The following SYNE1 variants were observed in gnomAD, a reference collection of about 807,000 sequenced individuals.
SYNE1 encodes the protein nesprin-1.
Under a neutral mutation model 1,111.0 loss-of-function variants are expected in SYNE1, and 616 were observed. The observed-to-expected ratio is 0.55, with a 90% CI of 0.52 to 0.59. SYNE1 has a LOEUF of 0.59. Among genes scored for constraint, SYNE1 ranks in the 20% least tolerant of loss-of-function variants. The pLI is 0.00. For missense variants in SYNE1, 10,006 were observed against 10,417.0 expected (o/e 0.96, Z 1.72); for synonymous variants, 3,855 against 3,825.8 (o/e 1.01, Z -0.28).
At chr6:152,434,070 ATTCACGCT>A in intron 33 of SYNE1, 125 bp from the exon 34 acceptor site, 2 of 913,398 alleles carry the variant, frequency 2.2e-6, no homozygotes, top group African/African-American at 1.7e-5. Flanking sequence ...AGTTGAAACT[ATTCACGCT>A]AAAAAAAAAA....
Position 152,439,371 on chromosome 6 carries a change from T to C in SYNE1, c.4149+1759A>G, listed in dbSNP as rs12200041. Among the ~76,000 whole-genome samples the C allele has an allele frequency of 4.1e-3, 622 of 152,274 alleles. 1 individual carries two copies. The highest frequency in any genetic ancestry group is 6.8e-3 in the Middle Eastern group (2 of 294). ...CTTTGTATTTATAAAAGGCACCTGA[T>C]ACGTTTTTAATACACGAAATAATTT... On this transcript the variant is annotated intron_variant, in intron 32 of 145. Coordinates refer to ENST00000367255, the MANE Select transcript of SYNE1 (RefSeq NM_182961.4).
intron 107 of SYNE1, among the ~76,000 whole-genome samples, chr6:152,240,221 G>T (rs1346160767): frequency 2.0e-5 from 3 of 152,140 alleles, no homozygotes; most frequent in African/African-American, 7.2e-5. Flanking sequence ...AACGAAGGTG[G>T]GCTCCTTTGA....
At chr6:152,480,922 T>C in intron 14 of SYNE1, 1 of 403,774 alleles carries the variant, frequency 2.5e-6, no homozygotes, top group Non-Finnish European at 4.8e-6. Flanking sequence ...GGCAGAGAGA[T>C]TGTTCTAGCT....
intron 16 of SYNE1, among the ~76,000 whole-genome samples, chr6:152,468,892 C>T (rs2098787880): frequency 6.6e-6 from 1 of 152,168 alleles, no homozygotes; most frequent in African/African-American, 2.4e-5. Flanking sequence ...CCTCCTGCCT[C>T]AGCCTCCTGA....
At chr6:152,473,454 T>G (rs2098817968) in intron 14 of SYNE1, among the ~76,000 whole-genome samples, 1 of 152,216 alleles carries the variant, frequency 6.6e-6, no homozygotes, top group African/African-American at 2.4e-5. Context: ...GGTTTGTATA[T>G]GCTTGCCCAC....
rs775765441 is a variant in SYNE1, at chr6:152,233,860, C to T, written c.20633G>A (p.Arg6878His). The change falls in exon 112 of 146, where the codon CGC becomes CAC. Residue 6878 changes from arginine (R) to histidine (H), a missense_variant. Arg to His is a conservative substitution (Grantham distance 29). Around this residue, in one of 7 missense-constraint regions of SYNE1, gnomAD observed 2,182 missense variants for 2,287.8 expected, o/e 0.95. Coordinates refer to ENST00000367255, the MANE Select transcript of SYNE1 (RefSeq NM_182961.4). Reference protein sequence around the residue: ...RLKKVDTATLRSELSRIDSQW... With the variant: ...RLKKVDTATLHSELSRIDSQW... ...GCTATCAATGCGCGACAGCTCAGAG[C>T]GCAGCGTGGCTGTGTCCACCTTTTT... The T allele has an allele frequency of 8.7e-6, 14 of 1,614,070 alleles. No individual in the cohort carries two copies. Among genetic ancestry groups the T allele is most frequent in the Middle Eastern group, 3.3e-4 (2 of 6,084 alleles).
intron 3 of SYNE1, among the ~76,000 whole-genome samples, chr6:152,542,268 G>A (rs546149773): frequency 6.6e-6 from 1 of 152,216 alleles, no homozygotes; most frequent in South Asian, 2.1e-4. Context: ...AAGAATGAAT[G>A]AGTAAAGAAA....
At position 152,391,504 on chromosome 6, in the gene SYNE1, G is replaced by T. The variant is rs772044657; in HGVS notation, c.7777C>A (p.Gln2593Lys). ...AGCTGGGAACACAGGCGGCCCTCCT[G>T]CCCAGCACCGTGGCCTTCTTCACTC... is the stretch of plus-strand genomic sequence containing the variant. ...LLSEEGHGAG[Q>K]EGRLCSQLLT... The change falls in exon 52 of 146, where the codon CAG (glutamine) becomes AAG (lysine). Residue 2593 changes from glutamine (Q) to lysine (K), a missense_variant. Around this residue, in one of 7 missense-constraint regions of SYNE1, gnomAD observed 4,955 missense variants for 5,017.2 expected, o/e 0.99. Transcript: ENST00000367255. 3.1e-6 allele frequency: 5 copies of T among 1,608,252 alleles called. No homozygotes were observed. In the East Asian group the frequency reaches 1.1e-4, roughly 36 times the overall value.
At chr6:152,420,143 C>A (rs1340963977) in intron 39 of SYNE1, among the ~76,000 whole-genome samples, 3 of 152,140 alleles carry the variant, frequency 2.0e-5, no homozygotes, top group African/African-American at 7.2e-5. Context: ...CCATGGCTAG[C>A]CTATGACTTT....
chr6:152,395,384 A>C (rs1236332588), intron 51 of SYNE1, 132 bp downstream of exon 51: 1 of 887,018 alleles, frequency 1.1e-6, no homozygotes, highest in Non-Finnish European at 1.8e-6. Flanking sequence ...TCTGTATTCC[A>C]GACATTCAAG....
chr6:152,239,055 G>A (rs1056410263), intron 108 of SYNE1, among the ~76,000 whole-genome samples: 1 of 151,708 alleles, frequency 6.6e-6, no homozygotes, highest in Non-Finnish European at 1.5e-5. Context: ...CCACGACGAC[G>A]TCCGGCTAAT....
intron 48 of SYNE1, 25 bp from the exon 49 acceptor site, chr6:152,398,756 TA>T (rs777068355): frequency 3.2e-6 from 5 of 1,571,460 alleles, no homozygotes; most frequent in Non-Finnish European, 4.4e-6. Flanking sequence ...AATAAATAAA[TA>T]AAAATAAAAA....
chr6:152,496,463 C>T (rs540042885), intron 11 of SYNE1, among the ~76,000 whole-genome samples: 4 of 152,272 alleles, frequency 2.6e-5, no homozygotes, highest in Admixed American at 1.3e-4. Flanking sequence ...CTCTTTTTCT[C>T]CTTCTCTTAT....
intron 58 of SYNE1, among the ~76,000 whole-genome samples, chr6:152,374,233 T>C (rs1367612425): frequency 6.6e-6 from 1 of 152,244 alleles, no homozygotes; most frequent in Non-Finnish European, 1.5e-5. Flanking sequence ...AAGAATAGTC[T>C]TCCTCTAGAA....
At chr6:152,478,790 T>C (rs976656821) in intron 14 of SYNE1, among the ~76,000 whole-genome samples, 1 of 152,050 alleles carries the variant, frequency 6.6e-6, no homozygotes, top group East Asian at 1.9e-4. Context: ...AGGGCCCACT[T>C]GGGTTAGTCA....
intron 93 of SYNE1, among the ~76,000 whole-genome samples, chr6:152,298,629 A>G (rs2095012115): frequency 6.6e-6 from 1 of 151,986 alleles, no homozygotes; most frequent in South Asian, 2.1e-4. Context: ...AAACAGCTGT[A>G]CACATTCTGT....
chr6:152,206,140 T>C, intron 126 of SYNE1, 28 bp downstream of exon 126: 1 of 1,610,502 alleles, frequency 6.2e-7, no homozygotes, highest in Non-Finnish European at 8.5e-7. Flanking sequence ...AAGGGTTTTT[T>C]GGTTCGTTTT....
chr6:152,513,456 C>T (rs1422134623), intron 6 of SYNE1, among the ~76,000 whole-genome samples: 1 of 152,102 alleles, frequency 6.6e-6, no homozygotes, highest in Non-Finnish European at 1.5e-5. Flanking sequence ...AGCGATTCTC[C>T]TGCCTCAACT....
chr6:152,137,846 A>T (rs997917102), intron 140 of SYNE1, among the ~76,000 whole-genome samples: 1 of 152,168 alleles, frequency 6.6e-6, no homozygotes, highest in Non-Finnish European at 1.5e-5. Context: ...TATTCCACAG[A>T]TTTATTCAGA....
Sources: allele counts gnomAD v4.1 joint callset (sites outside exome capture counted in the v4.1 genomes callset), GRCh38; gene constraint gnomAD v4.1.1; regional missense constraint gnomAD v4.1.1; transcripts MANE v1.5; gene names NCBI Gene and HGNC (gene_info 2026-07-23, HGNC 2026-07-21).